Variants in PBRM1 observed in about 807,000 individuals in gnomAD.
PBRM1 encodes the protein polybromo 1, also known as protein polybromo-1.
In PBRM1, 27 loss-of-function variants were observed where a neutral mutation model predicts 194.5. That is an observed-to-expected ratio of 0.14 (90% CI 0.10 to 0.19). PBRM1 has a LOEUF of 0.19. PBRM1 is among the 10% of genes least tolerant of loss of function. The probability of loss-of-function intolerance (pLI) is 1.00; values close to 1 mark genes in which losing one functional copy is unlikely to be tolerated. For missense variants in PBRM1, 1,466 were observed against 2,077.2 expected, an observed-to-expected ratio of 0.71 and a Z score of 5.72; for synonymous variants, 655 against 693.2, an observed-to-expected ratio of 0.94 and a Z score of 0.87.
chr3:52,652,168 G>T (rs751393072), intron 5 of PBRM1, among the ~76,000 whole-genome samples: 1 of 151,788 alleles, frequency 6.6e-6, no homozygotes, highest in Non-Finnish European at 1.5e-5. Context: ...TGGATCACCT[G>T]AGGTCAGGAG....
chr3:52,648,463 T>C lies in PBRM1; in HGVS notation c.715-21A>G, dbSNP rs369251035. Reference sequence around the variant, plus strand: ...CCATTCTACAATAAACAACAAAATATAGCAGTTCCTTTTAATGAGAGTTCA... The same window carrying C: ...CCATTCTACAATAAACAACAAAATACAGCAGTTCCTTTTAATGAGAGTTCA... On this transcript the variant is annotated intron_variant, in intron 6 of 29. Coordinates refer to ENST00000296302, the Ensembl canonical transcript of PBRM1. The C allele has an allele frequency of 6.1e-5, 79 of 1,303,180 alleles. No homozygotes were observed. In the African/African-American group the frequency reaches 8.8e-4, roughly 15 times the overall value. The allele number at this position is 1,303,180 out of a possible 1,614,324, so 80.7% of individuals were successfully genotyped here. A position where few individuals can be genotyped will look rare whatever the true frequency, so the allele number is the denominator to read the frequency against.
intron 27 of PBRM1, among the ~76,000 whole-genome samples, chr3:52,551,504 T>C (rs559556576): frequency 6.6e-6 from 1 of 152,336 alleles, no homozygotes; most frequent in South Asian, 2.1e-4. Flanking sequence ...ATTTGTACTA[T>C]GTCCCTGATA....
chr3:52,653,387 C>T (rs2096546141), intron 5 of PBRM1, among the ~76,000 whole-genome samples: 5 of 151,520 alleles, frequency 3.3e-5, no homozygotes, highest in Non-Finnish European at 2.9e-5. Flanking sequence ...GTCAGGAGTT[C>T]GAGACTAGCC....
chr3:52,547,409 T>C (rs1006084857), downstream of PBRM1: 1 of 233,152 alleles, frequency 4.3e-6, no homozygotes, highest in African/African-American at 2.2e-5. Context: ...CAGCACTGAT[T>C]ACATATTTCT....
Position 52,654,983 on chromosome 3 carries a change from A to T in PBRM1, c.646-3173T>A, listed in dbSNP as rs1042117453. Among the ~76,000 whole-genome samples, 11 of 152,030 alleles carry T rather than the reference A, an allele frequency of 7.2e-5. 1 individual carries two copies. Among genetic ancestry groups the T allele is most frequent in the Non-Finnish European group, 4.4e-5 (3 of 68,022 alleles). Reference sequence around the variant, plus strand: ...AAAAAAATTTTTTTTGTAGAGACAGAGTCTCAGCTATGTTGGCCTCTCAAA... The same window carrying T: ...AAAAAAATTTTTTTTGTAGAGACAGTGTCTCAGCTATGTTGGCCTCTCAAA... On this transcript the variant is annotated intron_variant, in intron 5 of 29. Transcript: ENST00000296302.
intron 20 of PBRM1, among the ~76,000 whole-genome samples, chr3:52,584,488 C>A (rs2092036547): frequency 1.1e-5 from 1 of 92,832 alleles, no homozygotes; most frequent in East Asian, 3.5e-4. Context: ...GACGGTCTTG[C>A]TCTGTTGACC....
intron 2 of PBRM1, among the ~76,000 whole-genome samples, chr3:52,676,583 T>C (rs1048953342): frequency 6.6e-6 from 1 of 152,204 alleles, no homozygotes; most frequent in Non-Finnish European, 1.5e-5. Flanking sequence ...GGTATGTCTT[T>C]ATCAGCAGTG....
intron 27 of PBRM1, 140 bp downstream of exon 29, chr3:52,554,584 G>T: frequency 3.0e-6 from 2 of 673,472 alleles, no homozygotes; most frequent in Non-Finnish European, 4.9e-6. Flanking sequence ...GACATGCCCT[G>T]CTGCTGACAA....
rs11295229 is a variant in PBRM1 at position 52,562,157 on chromosome 3, TA to T, written c.4087-190del. On this transcript the variant is annotated intron_variant, in intron 24 of 29. Transcript: ENST00000296302. ...TGACACAGTGAAACCCCGTTTCTACTAAAAAAAAAAATACAAAAAATTAGCC... is the reference window on the plus strand; with the variant it reads ...TGACACAGTGAAACCCCGTTTCTACTAAAAAAAAAATACAAAAAATTAGCC... Among the ~76,000 whole-genome samples the T allele has an allele frequency of 0.42, 62,242 of 148,076 alleles. 13,069 individuals are homozygous for T. The highest frequency in any genetic ancestry group is 0.51 in the Admixed American group (7,562 of 14,898).
In PBRM1 at chr3:52,666,706, C is replaced by G. The variant is rs190152057; in HGVS notation, c.384+1792G>C. On this transcript the variant is annotated intron_variant, in intron 3 of 29. Transcript: ENST00000296302. ...AGGAGTTCAAGACTAGCCTGGGCAA[C>G]ACGGTGAAATCCCGTCTCTATCAAA... is the stretch of plus-strand genomic sequence containing the variant. Among the ~76,000 whole-genome samples the G allele has an allele frequency of 4.0e-3, 612 of 151,972 alleles. 3 individuals are homozygous for G. The highest frequency in any genetic ancestry group is 0.023 in the South Asian group (110 of 4,820).
intron 22 of PBRM1, among the ~76,000 whole-genome samples, chr3:52,575,663 G>A (rs1376883801): frequency 7.0e-6 from 1 of 142,376 alleles, no homozygotes; most frequent in Non-Finnish European, 1.5e-5. Flanking sequence ...GTGCCACCAT[G>A]CCCAAATAAT....
At chr3:52,559,440 A>G (rs2082932718) in intron 25 of PBRM1, among the ~76,000 whole-genome samples, 3 of 152,074 alleles carry the variant, frequency 2.0e-5, no homozygotes, top group African/African-American at 2.4e-5. Context: ...TTCTTGTCTC[A>G]CCATTCATAA....
chr3:52,681,207 T>G (rs1199716587), upstream of PBRM1: 2 of 151,602 alleles, frequency 1.3e-5, no homozygotes, highest in African/African-American at 4.8e-5. Flanking sequence ...GCCAGCAGTA[T>G]GGAAAGAAAG....
upstream of PBRM1, among the ~76,000 whole-genome samples, chr3:52,683,951 G>A (rs1420562000): frequency 2.0e-5 from 3 of 151,072 alleles, no homozygotes; most frequent in African/African-American, 2.4e-5. Flanking sequence ...CAGGATGACC[G>A]CTTGAGGCAG....
intron 27 of PBRM1, among the ~76,000 whole-genome samples, chr3:52,551,243 A>G (rs2080912855): frequency 6.6e-6 from 1 of 152,218 alleles, no homozygotes; most frequent in Non-Finnish European, 1.5e-5. Flanking sequence ...GACAGCAGGG[A>G]CACAAGGGAA....
intron 1 of PBRM1, among the ~76,000 whole-genome samples, chr3:52,679,241 C>A (rs2097163059): frequency 6.6e-6 from 1 of 151,700 alleles, no homozygotes; most frequent in African/African-American, 2.4e-5. Context: ...TGTTTACATT[C>A]TACTTCCCCC....
At chr3:52,579,257 T>TA in intron 20 of PBRM1, 58 bp from the exon 23 acceptor site, 10 of 1,493,086 alleles carry the variant, frequency 6.7e-6, no homozygotes, top group Non-Finnish European at 9.3e-6. Context: ...ATAGAGAAGG[T>TA]AAGAAACGAA....
intron 5 of PBRM1, among the ~76,000 whole-genome samples, chr3:52,656,400 A>G (rs1158912048): frequency 6.6e-6 from 1 of 152,214 alleles, no homozygotes; most frequent in Non-Finnish European, 1.5e-5. Context: ...GTAGTAGCTC[A>G]TGTCTGTAAT....
chr3:52,677,475 C>T (rs575723344), intron 2 of PBRM1, among the ~76,000 whole-genome samples: 19 of 143,752 alleles, frequency 1.3e-4, no homozygotes, highest in Non-Finnish European at 2.1e-4. Context: ...TGCAACGGTA[C>T]GATCTCGGCT....
Sources: allele counts gnomAD v4.1 joint callset (sites outside exome capture counted in the v4.1 genomes callset), GRCh38; gene constraint gnomAD v4.1.1; transcripts MANE v1.5; gene names NCBI Gene and HGNC (gene_info 2026-07-23, HGNC 2026-07-21).